The following ITPK1 variants were observed in gnomAD, a reference collection of about 807,000 sequenced individuals.
ITPK1 encodes inositol 1,3,4-trisphosphate 5/6-kinase.
In ITPK1, 21 loss-of-function variants were observed where a neutral mutation model predicts 45.3. The ratio of observed to expected loss-of-function variants is 0.46; its 90% CI spans 0.33 to 0.67. The LOEUF is 0.67. Ranked by LOEUF, ITPK1 falls within the 30% of genes least tolerant of loss-of-function variation. The pLI is 0.02. For synonymous variants in ITPK1, 258 were observed against 253.6 expected (o/e 1.02, Z -0.16); for missense variants, 474 against 573.5 (o/e 0.83, Z 1.77).
At chr14:93,096,651 A>G (rs555465724) in intron 2 of ITPK1, among the ~76,000 whole-genome samples, 1 of 152,354 alleles carries the variant, frequency 6.6e-6, no homozygotes, top group South Asian at 2.1e-4. Flanking sequence ...GAGAGAGCGC[A>G]GGAGCTAGTC....
chr14:93,079,659 A>G (rs1168563055), intron 2 of ITPK1, among the ~76,000 whole-genome samples: 2 of 152,220 alleles, frequency 1.3e-5, no homozygotes, highest in Non-Finnish European at 2.9e-5. Flanking sequence ...GGAAAATAAA[A>G]CAACCTGTCG....
At chr14:93,108,004 T>A (rs1317709643) in intron 2 of ITPK1, among the ~76,000 whole-genome samples, 2 of 152,132 alleles carry the variant, frequency 1.3e-5, no homozygotes, top group East Asian at 3.9e-4. Context: ...TGGCCAGTGG[T>A]GAGTGGGGAG....
chr14:93,044,634 A>G (rs763287418), intron 3 of ITPK1, among the ~76,000 whole-genome samples: 14 of 152,152 alleles, frequency 9.2e-5, no homozygotes, highest in Non-Finnish European at 1.9e-4. Context: ...AGAACTGACC[A>G]ATGTGGCGAC....
At chr14:93,112,688 T>G (rs1023740963) in intron 2 of ITPK1, among the ~76,000 whole-genome samples, 1 of 151,954 alleles carries the variant, frequency 6.6e-6, no homozygotes, top group African/African-American at 2.4e-5. Flanking sequence ...CCCACCCACC[T>G]TGGACTCCCA....
intron 5 of ITPK1, among the ~76,000 whole-genome samples, chr14:92,982,144 A>G (rs1454087276): frequency 6.6e-6 from 1 of 152,232 alleles, no homozygotes; most frequent in Non-Finnish European, 1.5e-5. Flanking sequence ...TTGAACTTAT[A>G]AGTATGCAAG....
At chr14:93,011,531 G>A (rs1038082330) in intron 4 of ITPK1, among the ~76,000 whole-genome samples, 8 of 152,216 alleles carry the variant, frequency 5.3e-5, no homozygotes, top group Admixed American at 4.6e-4. Flanking sequence ...CGGGGCAGGA[G>A]CTTCCTTCCC....
chr14:93,096,829 G>A (rs1892100367), intron 2 of ITPK1, among the ~76,000 whole-genome samples: 1 of 152,146 alleles, frequency 6.6e-6, no homozygotes, highest in African/African-American at 2.4e-5. Context: ...GTGGGGGATT[G>A]CCACAAAGAT....
intron 5 of ITPK1, among the ~76,000 whole-genome samples, chr14:92,990,535 G>T (rs557268088): frequency 6.6e-6 from 1 of 152,320 alleles, no homozygotes; most frequent in East Asian, 1.9e-4. Context: ...TACGAAGTGG[G>T]TGGGTTTGAA....
At chr14:93,085,305 G>A (rs1457750133) in intron 2 of ITPK1, among the ~76,000 whole-genome samples, 1 of 152,202 alleles carries the variant, frequency 6.6e-6, no homozygotes, top group Non-Finnish European at 1.5e-5. Flanking sequence ...ATTGAGTGGG[G>A]GCATCTTTCC....
At chr14:93,052,377 A>C (rs945447414) in intron 3 of ITPK1, among the ~76,000 whole-genome samples, 18 of 152,148 alleles carry the variant, frequency 1.2e-4, no homozygotes, top group Non-Finnish European at 1.5e-5. Flanking sequence ...CTTTTATTAC[A>C]ACAGACGCCA....
At chr14:92,984,441 G>A (rs1359722842) in intron 5 of ITPK1, among the ~76,000 whole-genome samples, 1 of 152,216 alleles carries the variant, frequency 6.6e-6, no homozygotes. Context: ...TTCCATCTCT[G>A]AAATTGAGAT....
Position 93,016,849 on chromosome 14 carries a change from T to A in ITPK1, c.121-48A>T. 6.2e-7 allele frequency: 1 copy of A among 1,605,588 alleles called. No homozygotes were observed. The stretch of plus-strand genomic sequence containing the variant: ...AAAAGCAACAACTTCAGCACCTGAG[T>A]CCACTGCCCCCATCCTCTTGTCCAC... On this transcript the variant is annotated intron_variant, in intron 3 of 10. Transcript: ENST00000267615. This position sits in a 1 kb window ranked among gnomAD's most constrained non-coding sequence, Gnocchi z 5.0.
chr14:92,945,387 C>T lies in ITPK1; in HGVS notation c.901+944G>A, dbSNP rs889030430. On this transcript the variant is annotated intron_variant, in intron 10 of 10. Transcript: ENST00000267615. Reference sequence around the variant, plus strand: ...GGGCCAAGGTCCTGCCTCACCTCCACGATAAACAACCCCGAGTCCCCACCT... The same window carrying T: ...GGGCCAAGGTCCTGCCTCACCTCCATGATAAACAACCCCGAGTCCCCACCT... 1.4e-4 allele frequency among the ~76,000 whole-genome samples: 22 copies of T among 152,356 alleles called. No homozygotes were observed. The South Asian group carries it at 3.3e-3, about 23-fold the overall frequency.
chr14:92,986,678 G>A (rs1044163087), intron 5 of ITPK1, among the ~76,000 whole-genome samples: 1 of 152,206 alleles, frequency 6.6e-6, no homozygotes, highest in Non-Finnish European at 1.5e-5. Flanking sequence ...GGGTTGGTGG[G>A]CTGTGGGTGG....
At chr14:92,955,625 G>A (rs1253463168) in intron 8 of ITPK1, among the ~76,000 whole-genome samples, 1 of 152,184 alleles carries the variant, frequency 6.6e-6, no homozygotes, top group Non-Finnish European at 1.5e-5. Flanking sequence ...GCCTCTGCAT[G>A]GATGCCACTG....
rs117440946 is a variant in ITPK1, at chr14:92,994,998, G to A, written c.247-1001C>T. On this transcript the variant is annotated intron_variant, in intron 4 of 10. Transcript: ENST00000267615. ...TGAACACAGACGCAGGGAGGAGGCC[G>A]TGTGGAGACAGACAACTGCAGTGAC... Among the ~76,000 whole-genome samples the A allele has an allele frequency of 2.4e-4, 37 of 152,324 alleles. No individual in the cohort carries two copies. In the East Asian group the frequency reaches 6.8e-3, roughly 28 times the overall value.
chr14:93,063,589 G>A lies in ITPK1; in HGVS notation c.120+13006C>T, dbSNP rs1890622295. 6.6e-6 allele frequency among the ~76,000 whole-genome samples: 1 copy of A among 152,234 alleles called. No homozygotes were observed. Among genetic ancestry groups the A allele is most frequent in the Non-Finnish European group, 1.5e-5 (1 of 68,048 alleles). On this transcript the variant is annotated intron_variant, in intron 3 of 10. Transcript: ENST00000267615. This position sits in a 1 kb window ranked among gnomAD's most constrained non-coding sequence, Gnocchi z 4.3. ...CCATCTGGTAGATGGGCCTCAGAGA[G>A]GTTGTGCCACTACCCAGGACTGCAC...
At chr14:92,976,801 G>A (rs555334170) in intron 5 of ITPK1, among the ~76,000 whole-genome samples, 5 of 152,238 alleles carry the variant, frequency 3.3e-5, no homozygotes, top group Admixed American at 1.3e-4. Context: ...AGCATGTGGC[G>A]GGAAAGAATA....
At chr14:93,022,515 CT>C (rs750617400) in intron 3 of ITPK1, among the ~76,000 whole-genome samples, 6,682 of 137,848 alleles carry the variant, frequency 0.048, 206 homozygotes, top group Admixed American at 0.096. Flanking sequence ...AAGACCACAT[CT>C]TTTTTTTTTT....
Sources: gnomAD v4.1 joint callset for allele counts (sites outside exome capture counted in the v4.1 genomes callset) on GRCh38, gnomAD v4.1.1 for gene constraint, Gnocchi (gnomAD v3.1) non-coding constraint, MANE v1.5 for transcripts, NCBI Gene and HGNC (gene_info 2026-07-23, HGNC 2026-07-21) for gene names.